Variants in EDAR observed in about 807,000 individuals in gnomAD.
EDAR encodes the protein tumor necrosis factor receptor superfamily member EDAR.
In EDAR, 38 loss-of-function variants were observed where a neutral mutation model predicts 51.3. That is an observed-to-expected ratio of 0.74 (90% CI 0.57 to 0.97). EDAR has a LOEUF of 0.97. Ranked by LOEUF, EDAR falls within the 50% of genes least tolerant of loss-of-function variation. The probability of loss-of-function intolerance (pLI) is 0.00; values close to 1 mark genes in which losing one functional copy is unlikely to be tolerated. For missense variants in EDAR, 528 were observed against 595.0 expected, an observed-to-expected ratio of 0.89 and a Z score of 1.17; for synonymous variants, 227 against 242.1, an observed-to-expected ratio of 0.94 and a Z score of 0.58.
chr2:108,901,829 C>T (rs894102176), intron 11 of EDAR, among the ~76,000 whole-genome samples: 13 of 152,204 alleles, frequency 8.5e-5, no homozygotes, highest in East Asian at 1.9e-4. Flanking sequence ...TCTAGCCAAA[C>T]GCGGTGGCTC....
intron 1 of EDAR, among the ~76,000 whole-genome samples, chr2:108,987,250 A>C (rs943155174): frequency 6.6e-6 from 1 of 152,254 alleles, no homozygotes; most frequent in Non-Finnish European, 1.5e-5. Flanking sequence ...TTGGACCCAG[A>C]AAGGAGCGTC....
chr2:108,987,619 C>G (rs1698518764), intron 1 of EDAR, among the ~76,000 whole-genome samples: 1 of 152,246 alleles, frequency 6.6e-6, no homozygotes, highest in African/African-American at 2.4e-5. Context: ...AAAGACTGGT[C>G]CTTCCAAGAT....
intron 1 of EDAR, among the ~76,000 whole-genome samples, chr2:108,979,926 G>T (rs1002131816): frequency 6.6e-6 from 1 of 152,126 alleles, no homozygotes. Flanking sequence ...GCAGGGTGCT[G>T]TGGCTCTATT....
chr2:108,896,683 G>C lies in EDAR; in HGVS notation c.*224C>G. 1 of 572,748 alleles carries C rather than the reference G, an allele frequency of 1.7e-6. No individual in the cohort carries two copies. Among genetic ancestry groups the C allele is most frequent in the Non-Finnish European group, 3.1e-6 (1 of 321,480 alleles). The allele number at this position is 572,748 out of a possible 1,614,324, so 35.5% of individuals were successfully genotyped here. A position where few individuals can be genotyped will look rare whatever the true frequency, so the allele number is the denominator to read the frequency against. On this transcript the variant is annotated 3_prime_UTR_variant, in exon 12 of 12. Coordinates refer to ENST00000258443, the MANE Select transcript of EDAR (RefSeq NM_022336.4). ...AGTGAGTAGATATTTACTCTGCCTG[G>C]TGAGGTACAGGCGAGCATCTGAAAG... is the stretch of plus-strand genomic sequence containing the variant.
In EDAR at chr2:108,923,468, C is replaced by T. The variant is rs1292333477; in HGVS notation, c.357-15G>A. On this transcript the variant is annotated splice_polypyrimidine_tract_variant and intron_variant, in intron 4 of 11. Coordinates refer to ENST00000258443, the MANE Select transcript of EDAR (RefSeq NM_022336.4). ...GCATGTAGTAGCTACGGGGGAGAGA[C>T]AAGACAAAACAGAGACAGGTGAGCT... is the stretch of plus-strand genomic sequence containing the variant. 6 of 1,612,404 alleles carry T rather than the reference C, an allele frequency of 3.7e-6. No homozygotes were observed. Among genetic ancestry groups the T allele is most frequent in the East Asian group, 2.2e-5 (1 of 44,890 alleles).
chr2:108,933,851 C>CT (rs1697417326), intron 1 of EDAR, among the ~76,000 whole-genome samples: 1 of 152,040 alleles, frequency 6.6e-6, no homozygotes, highest in African/African-American at 2.4e-5. Flanking sequence ...TGAAGGGGAA[C>CT]TGATAGGAGC....
intron 1 of EDAR, among the ~76,000 whole-genome samples, chr2:108,939,442 C>T (rs376122594): frequency 4.0e-4 from 61 of 152,190 alleles, no homozygotes; most frequent in African/African-American, 1.4e-3. Context: ...GCAGAGTATG[C>T]GTATGTGAAA....
At chr2:108,902,540 G>T (rs534533396) in intron 11 of EDAR, among the ~76,000 whole-genome samples, 12 of 152,148 alleles carry the variant, frequency 7.9e-5, no homozygotes, top group Non-Finnish European at 1.6e-4. Flanking sequence ...ATTCTATGAG[G>T]GTAGTATAAA....
intron 11 of EDAR, among the ~76,000 whole-genome samples, chr2:108,905,040 A>G (rs1023110769): frequency 1.2e-4 from 18 of 152,216 alleles, no homozygotes; most frequent in African/African-American, 4.3e-4. Context: ...AAAAAGTTTA[A>G]TTAAAGACAA....
intron 5 of EDAR, among the ~76,000 whole-genome samples, chr2:108,922,115 T>C (rs1020790804): frequency 2.0e-5 from 3 of 152,206 alleles, no homozygotes; most frequent in African/African-American, 7.2e-5. Context: ...ACATTGAACA[T>C]TGAAGGCTGT....
At chr2:108,918,757 T>A (rs1458011218) in intron 5 of EDAR, among the ~76,000 whole-genome samples, 4 of 151,900 alleles carry the variant, frequency 2.6e-5, no homozygotes, top group Admixed American at 2.6e-4. Flanking sequence ...CATATGGGGG[T>A]CTTTGAGGTC....
chr2:108,903,111 G>A (rs75642940), intron 11 of EDAR, among the ~76,000 whole-genome samples: 2,013 of 152,226 alleles, frequency 0.013, 62 homozygotes, highest in South Asian at 0.086. Flanking sequence ...AACAATGAAT[G>A]TATGGCTACT....
chr2:108,924,301 C>T (rs1697209986), intron 4 of EDAR, among the ~76,000 whole-genome samples: 1 of 152,248 alleles, frequency 6.6e-6, no homozygotes, highest in African/African-American at 2.4e-5. Flanking sequence ...CCGTCCCGCT[C>T]CCAGGCACAG....
chr2:108,959,204 G>A (rs1295344944), intron 1 of EDAR, among the ~76,000 whole-genome samples: 1 of 152,260 alleles, frequency 6.6e-6, no homozygotes, highest in Admixed American at 6.5e-5. Context: ...CAAGGCTTCA[G>A]TAAAGCTGAT....
rs61761320 is a variant in EDAR, at chr2:108,929,253, C to T, written c.301G>A (p.Val101Met). ...KDCEGFFRAT[V>M]LTPGDMENDA... ...TTCTCCATGTCCCCTGGTGTCAGCACGGTGGCCCGGAAGAAGCCCTCACAG... is the reference window on the plus strand; with the variant it reads ...TTCTCCATGTCCCCTGGTGTCAGCATGGTGGCCCGGAAGAAGCCCTCACAG... The change falls in exon 4 of 12, where the codon GTG becomes ATG. Residue 101 changes from valine to methionine, a missense_variant. Transcript: ENST00000258443. The T allele has an allele frequency of 3.4e-5, 55 of 1,614,046 alleles. No homozygotes were observed. Among genetic ancestry groups the T allele is most frequent in the East Asian group, 1.3e-4 (6 of 44,906 alleles).
At position 108,896,769 on chromosome 2, in the gene EDAR, C is replaced by T. The variant is rs1696601898; in HGVS notation, c.*138G>A. ...GGAAGACAGGCCTTATTTCGTCTGG[C>T]TCCTTGAACATCCTAAGGCATACGG... On this transcript the variant is annotated 3_prime_UTR_variant, in exon 12 of 12. Coordinates refer to ENST00000258443, the MANE Select transcript of EDAR (RefSeq NM_022336.4). 8.6e-6 allele frequency: 7 copies of T among 818,358 alleles called. No homozygotes were observed. Among genetic ancestry groups the T allele is most frequent in the Non-Finnish European group, 1.3e-5 (7 of 529,690 alleles). 50.7% of individuals were successfully genotyped at this position (818,358 alleles called of 1,614,324 possible).
intron 1 of EDAR, among the ~76,000 whole-genome samples, chr2:108,973,375 C>T (rs561533786): frequency 1.3e-5 from 2 of 152,166 alleles, no homozygotes; most frequent in Non-Finnish European, 2.9e-5. Flanking sequence ...GGCAGGAGGG[C>T]GGTGCAGAGA....
intron 1 of EDAR, among the ~76,000 whole-genome samples, chr2:108,960,798 G>A (rs1698024018): frequency 2.0e-5 from 3 of 152,070 alleles, no homozygotes; most frequent in South Asian, 4.1e-4. Context: ...CGTATATTGA[G>A]TTTTGTATCC....
At chr2:108,923,594 C>G (rs1574381463) in intron 4 of EDAR, 141 bp from the exon 5 acceptor site, 1 of 725,468 alleles carries the variant, frequency 1.4e-6, no homozygotes, top group East Asian at 2.6e-5. Context: ...GTCACCTGCT[C>G]TGTCCACTCA....
Sources: allele counts gnomAD v4.1 joint callset (sites outside exome capture counted in the v4.1 genomes callset), GRCh38; gene constraint gnomAD v4.1.1; transcripts MANE v1.5; gene names NCBI Gene and HGNC (gene_info 2026-07-23, HGNC 2026-07-21).